Variants in TBC1D13 observed in about 807,000 individuals in gnomAD.
TBC1D13 encodes epididymis secretory sperm binding protein.
TBC1D13 carries 40 observed loss-of-function variants against 53.6 expected under a neutral mutation model. That is an observed-to-expected ratio of 0.75 (90% CI 0.58 to 0.97). TBC1D13 has a LOEUF of 0.97. Ranked by LOEUF, TBC1D13 falls within the 50% of genes least tolerant of loss-of-function variation. The probability of loss-of-function intolerance (pLI) is 0.00; values close to 1 mark genes in which losing one functional copy is unlikely to be tolerated. For synonymous variants in TBC1D13, 182 were observed against 197.7 expected (o/e 0.92, Z 0.67); for missense variants, 377 against 499.4 (o/e 0.75, Z 2.34).
In TBC1D13 at chr9:128,810,028, A is replaced by C. The variant is rs1429288356; in HGVS notation, c.*2149A>C. On this transcript the variant is annotated 3_prime_UTR_variant, in exon 12 of 12. Transcript: ENST00000372648. ...CCCCTACCTTCCCTCCTGGAACCAC[A>C]CTACTTGAATCACCATTACTTTGCC... is the stretch of plus-strand genomic sequence containing the variant. The C allele has an allele frequency of 6.6e-6, 1 of 152,366 alleles. No homozygotes were observed. The highest frequency in any genetic ancestry group is 2.4e-5 in the African/African-American group (1 of 41,414). 9.4% of individuals were successfully genotyped at this position (152,366 alleles called of 1,614,324 possible). A position where few individuals can be genotyped will look rare whatever the true frequency, so the allele number is the denominator to read the frequency against.
At chr9:128,792,400 T>C in intron 5 of TBC1D13, 92 bp from the exon 6 acceptor site, 1 of 1,113,076 alleles carries the variant, frequency 9.0e-7, no homozygotes, top group Non-Finnish European at 1.3e-6. Context: ...GTGGGATTGT[T>C]GCAGCAAGGC....
rs534661119 is a variant in TBC1D13, at chr9:128,807,502, A to G, written c.1138-312A>G. Among the ~76,000 whole-genome samples, 18 of 152,268 alleles carry G rather than the reference A, an allele frequency of 1.2e-4. No homozygotes were observed. In the East Asian group the frequency reaches 3.3e-3, roughly 28 times the overall value. Reference sequence around the variant, plus strand: ...GATGCTCAGACACTGGCCCAGTCCTACTGGCTCCACACGAGGGAGCTCGGG... The same window carrying G: ...GATGCTCAGACACTGGCCCAGTCCTGCTGGCTCCACACGAGGGAGCTCGGG... On this transcript the variant is annotated intron_variant, in intron 11 of 11. Coordinates refer to ENST00000372648, the MANE Select transcript of TBC1D13 (RefSeq NM_018201.5).
intron 6 of TBC1D13, among the ~76,000 whole-genome samples, chr9:128,795,723 G>A (rs1589569211): frequency 6.6e-6 from 1 of 151,872 alleles, no homozygotes; most frequent in South Asian, 2.1e-4. Flanking sequence ...GCCTCCCAAA[G>A]TGCTGGGATT....
intron 10 of TBC1D13, 49 bp downstream of exon 10, chr9:128,806,068 G>A: frequency 6.2e-7 from 1 of 1,600,328 alleles, no homozygotes; most frequent in Non-Finnish European, 8.5e-7. Flanking sequence ...AGTCCTTGGA[G>A]AAGCCAGACA....
At chr9:128,798,640 A>T (rs1400587205) in intron 7 of TBC1D13, among the ~76,000 whole-genome samples, 1 of 152,154 alleles carries the variant, frequency 6.6e-6, no homozygotes, top group African/African-American at 2.4e-5. Context: ...AGGACCCCCA[A>T]CTTTTAATAG....
At chr9:128,797,349 A>G (rs569994451) in intron 7 of TBC1D13, 135 bp downstream of exon 7, 2 of 945,146 alleles carry the variant, frequency 2.1e-6, no homozygotes, top group Non-Finnish European at 3.1e-6. Flanking sequence ...TGATGCTGCC[A>G]GATCCTGGGG....
At chr9:128,805,032 C>T (rs1829807478) in intron 9 of TBC1D13, among the ~76,000 whole-genome samples, 1 of 152,012 alleles carries the variant, frequency 6.6e-6, no homozygotes, top group Admixed American at 6.6e-5. Context: ...CCTGGCTGGC[C>T]AGGAATAATG....
intron 9 of TBC1D13, among the ~76,000 whole-genome samples, chr9:128,804,909 A>G (rs531331690): frequency 1.3e-5 from 2 of 150,792 alleles, no homozygotes; most frequent in African/African-American, 4.9e-5. Flanking sequence ...TTGTATTTTT[A>G]GTAGAGATGG....
intron 7 of TBC1D13, among the ~76,000 whole-genome samples, chr9:128,800,949 G>A (rs1391684793): frequency 1.3e-5 from 2 of 151,954 alleles, no homozygotes; most frequent in South Asian, 2.1e-4. Flanking sequence ...ATCACCTGAA[G>A]TCAGGAGTTT....
At chr9:128,798,870 T>G (rs1829682908) in intron 7 of TBC1D13, among the ~76,000 whole-genome samples, 1 of 152,068 alleles carries the variant, frequency 6.6e-6, no homozygotes, top group South Asian at 2.1e-4. Flanking sequence ...TGTTTTTTGT[T>G]TGTTTGTTTG....
chr9:128,804,650 C>A (rs917728894), intron 9 of TBC1D13, among the ~76,000 whole-genome samples: 1 of 151,440 alleles, frequency 6.6e-6, no homozygotes, highest in Non-Finnish European at 1.5e-5. Flanking sequence ...ACCTCGTAAT[C>A]CACCCGCCTC....
chr9:128,791,726 A>G (rs1829537035), intron 5 of TBC1D13, 33 bp downstream of exon 5: 9 of 1,600,350 alleles, frequency 5.6e-6, no homozygotes, highest in African/African-American at 1.3e-5. Flanking sequence ...GACCCAGGAT[A>G]CAGAATGTGG....
At chr9:128,805,824 A>G (rs1208909900) in intron 9 of TBC1D13, 35 bp from the exon 10 acceptor site, 6 of 1,601,678 alleles carry the variant, frequency 3.7e-6, no homozygotes, top group Middle Eastern at 1.7e-4. Flanking sequence ...GCCAACACAG[A>G]GTCATGCCCC....
At chr9:128,796,446 T>C (rs932134308) in intron 6 of TBC1D13, among the ~76,000 whole-genome samples, 2 of 151,948 alleles carry the variant, frequency 1.3e-5, no homozygotes, top group South Asian at 4.2e-4. Flanking sequence ...AAACGGAGTT[T>C]CTCCATGTTG....
At chr9:128,805,683 C>T (rs111527362) in intron 9 of TBC1D13, among the ~76,000 whole-genome samples, 176 bp from the exon 10 acceptor site, 1 of 152,208 alleles carries the variant, frequency 6.6e-6, no homozygotes, top group South Asian at 2.1e-4. Context: ...TGGCAGCAAA[C>T]AGGCTCCGCC....
At chr9:128,801,585 A>G (rs1004378742) in intron 7 of TBC1D13, among the ~76,000 whole-genome samples, 6 of 151,046 alleles carry the variant, frequency 4.0e-5, no homozygotes, top group African/African-American at 1.5e-4. Flanking sequence ...AGGCTAAGGC[A>G]GGAGAATCAC....
intron 6 of TBC1D13, among the ~76,000 whole-genome samples, chr9:128,793,239 T>C (rs1829567208): frequency 6.6e-6 from 1 of 152,254 alleles, no homozygotes; most frequent in Non-Finnish European, 1.5e-5. Flanking sequence ...TCTAAGAGCA[T>C]GAGGCAGCCA....
chr9:128,790,313 C>T (rs974412933), intron 2 of TBC1D13, among the ~76,000 whole-genome samples: 4 of 149,284 alleles, frequency 2.7e-5, no homozygotes, highest in African/African-American at 7.4e-5. Flanking sequence ...GTGGCTCACG[C>T]CTGTAATCCT....
rs778569985 is a variant in TBC1D13, at chr9:128,807,885, C to A, written c.*6C>A. On this transcript the variant is annotated 3_prime_UTR_variant, in exon 12 of 12. Coordinates refer to ENST00000372648, the MANE Select transcript of TBC1D13 (RefSeq NM_018201.5). ...AGCTCCAAGACTCAAAGTAGCCCGG[C>A]GGCAAGAGGCCCATGTTCCGGAGAG... 1 of 1,613,904 alleles carries A rather than the reference C, an allele frequency of 6.2e-7. No individual in the cohort carries two copies. The highest frequency in any genetic ancestry group is 8.5e-7 in the Non-Finnish European group (1 of 1,179,906).
Sources: allele counts gnomAD v4.1 joint callset (sites outside exome capture counted in the v4.1 genomes callset), GRCh38; gene constraint gnomAD v4.1.1; transcripts MANE v1.5; gene names NCBI Gene and HGNC (gene_info 2026-07-23, HGNC 2026-07-21).